DENND2C: variants seen among roughly 807,000 people sequenced by gnomAD.
The protein encoded by DENND2C is DENN domain-containing protein 2C.
Under a neutral mutation model 112.4 loss-of-function variants are expected in DENND2C, and 72 were observed. That is an observed-to-expected ratio of 0.64 (90% CI 0.53 to 0.78). DENND2C has a LOEUF of 0.78. Among genes scored for constraint, DENND2C ranks in the 30% least tolerant of loss-of-function variants. The pLI, the probability that DENND2C is intolerant of heterozygous loss-of-function variation, is 0.00. For synonymous variants in DENND2C, 329 were observed against 381.6 expected, an observed-to-expected ratio of 0.86 and a Z score of 1.61; for missense variants, 992 against 1,113.8, an observed-to-expected ratio of 0.89 and a Z score of 1.56.
chr1:114,594,864 G>C (rs1190637821), intron 17 of DENND2C, among the ~76,000 whole-genome samples: 1 of 152,114 alleles, frequency 6.6e-6, no homozygotes, highest in Non-Finnish European at 1.5e-5. Flanking sequence ...TCCACAAATA[G>C]TGTTTCAAAC....
chr1:114,599,110 T>C (rs1043175045), intron 16 of DENND2C, among the ~76,000 whole-genome samples, 164 bp downstream of exon 16: 1 of 152,188 alleles, frequency 6.6e-6, no homozygotes, highest in Non-Finnish European at 1.5e-5. Flanking sequence ...TTTCCCATCT[T>C]AATACTAGAA....
At chr1:114,648,725 C>G (rs1657067137) in intron 2 of DENND2C, among the ~76,000 whole-genome samples, 1 of 152,122 alleles carries the variant, frequency 6.6e-6, no homozygotes, top group Non-Finnish European at 1.5e-5. Flanking sequence ...GGACTGGTAT[C>G]TGACTCCCAC....
intron 18 of DENND2C, among the ~76,000 whole-genome samples, chr1:114,593,620 A>G (rs182461609): frequency 1.6e-4 from 25 of 152,218 alleles, no homozygotes; most frequent in Admixed American, 6.5e-4. Flanking sequence ...CCCTGTCTCT[A>G]CAAAAAATAA....
chr1:114,585,916 C>T (rs1450603460), intron 20 of DENND2C, among the ~76,000 whole-genome samples: 1 of 152,110 alleles, frequency 6.6e-6, no homozygotes, highest in East Asian at 1.9e-4. Context: ...CCAGAGATTT[C>T]CTGGAGCCCA....
intron 1 of DENND2C, among the ~76,000 whole-genome samples, chr1:114,656,524 G>A (rs1382665945): frequency 1.3e-5 from 2 of 151,170 alleles, no homozygotes; most frequent in African/African-American, 2.4e-5. Context: ...AGCCTCTCAA[G>A]TAGCTGGGAC....
At chr1:114,658,052 A>G (rs1441257842) in intron 1 of DENND2C, among the ~76,000 whole-genome samples, 3 of 152,218 alleles carry the variant, frequency 2.0e-5, no homozygotes, top group Non-Finnish European at 4.4e-5. Flanking sequence ...TTTAGGGGCT[A>G]TACACTGATG....
rs942817816 is a variant in DENND2C at position 114,622,153 on chromosome 1, G to A, written c.1057-88C>T. The A allele has an allele frequency of 9.5e-6, 13 of 1,362,346 alleles. 1 individual carries two copies. Among genetic ancestry groups the A allele is most frequent in the Admixed American group, 8.4e-5 (3 of 35,858 alleles). The allele number at this position is 1,362,346 out of a possible 1,614,324, so 84.4% of individuals were successfully genotyped here. A position where few individuals can be genotyped will look rare whatever the true frequency, so the allele number is the denominator to read the frequency against. On this transcript the variant is annotated intron_variant, in intron 6 of 20. Transcript: ENST00000393274. ...GTTTGAGATGGGGTCTTGCTCTGTC[G>A]CCCAGGCTGGAATGCAGTGGCACGA...
Position 114,615,481 on chromosome 1 carries a change from C to T in DENND2C, c.1324+2905G>A, listed in dbSNP as rs538360186. On this transcript the variant is annotated intron_variant, in intron 8 of 20. Coordinates refer to ENST00000393274, the MANE Select transcript of DENND2C (RefSeq NM_001256404.2). ...TTTGTTTGTAAAATTATAATAGTCC[C>T]TACCTCCTAGTGTTGTCATACGTTA... 2.0e-5 allele frequency among the ~76,000 whole-genome samples: 3 copies of T among 152,314 alleles called. No homozygotes were observed. In the South Asian group the frequency reaches 6.2e-4, roughly 32 times the overall value.
At chr1:114,590,401 T>C (rs562576516) in intron 18 of DENND2C, among the ~76,000 whole-genome samples, 4 of 151,274 alleles carry the variant, frequency 2.6e-5, no homozygotes, top group Admixed American at 2.0e-4. Context: ...AAAAAAAAAA[T>C]TCATTCTTAA....
chr1:114,657,254 CTTTTG>C (rs1657359509), intron 1 of DENND2C, among the ~76,000 whole-genome samples: 1 of 151,880 alleles, frequency 6.6e-6, no homozygotes, highest in African/African-American at 2.4e-5. Context: ...TCATTTTTTT[CTTTTG>C]TTTGTTTGTT....
chr1:114,630,321 G>T (rs1178979498), intron 3 of DENND2C, among the ~76,000 whole-genome samples: 1 of 151,436 alleles, frequency 6.6e-6, no homozygotes, highest in Non-Finnish European at 1.5e-5. Context: ...AAAAAGAAAA[G>T]AAAAGAAAAG....
chr1:114,643,581 C>T (rs970671787), intron 3 of DENND2C, among the ~76,000 whole-genome samples: 1 of 152,160 alleles, frequency 6.6e-6, no homozygotes, highest in African/African-American at 2.4e-5. Context: ...CCTTTTATCT[C>T]ACTCCTATCA....
At chr1:114,663,316 T>C (rs1657550735) in intron 1 of DENND2C, among the ~76,000 whole-genome samples, 1 of 152,210 alleles carries the variant, frequency 6.6e-6, no homozygotes, top group South Asian at 2.1e-4. Flanking sequence ...CAATGTTTTA[T>C]TGATTCAGTA....
chr1:114,614,123 T>G (rs569013827), intron 8 of DENND2C, among the ~76,000 whole-genome samples: 4 of 151,626 alleles, frequency 2.6e-5, no homozygotes, highest in Admixed American at 2.6e-4. Flanking sequence ...TCCCAGCTAC[T>G]CAGGAGGCTC....
chr1:114,612,857 C>T (rs756269620), intron 8 of DENND2C, among the ~76,000 whole-genome samples: 2 of 151,824 alleles, frequency 1.3e-5, no homozygotes, highest in Non-Finnish European at 2.9e-5. Context: ...GACGGGGTTT[C>T]GTCATGTTGC....
rs760823080 is a variant in DENND2C at position 114,600,900 on chromosome 1, G to A, written c.1876C>T (p.Arg626Ter). 1.6e-5 allele frequency: 26 copies of A among 1,613,778 alleles called. No homozygotes were observed. Among genetic ancestry groups the A allele is most frequent in the East Asian group, 2.2e-5 (1 of 44,878 alleles). Residue 626 changes from arginine (R) to a stop codon, truncating the protein, a stop_gained, in exon 14 of 21, where the codon CGA becomes TGA. Coordinates refer to ENST00000393274, the MANE Select transcript of DENND2C (RefSeq NM_001256404.2). LOFTEE classifies it high-confidence loss of function. The stretch of plus-strand genomic sequence containing the variant: ...GGGAAAGGAGCTTCCATGACACTTC[G>A]CATGAATGGGTAAACAAGGGCTGGA... ...MSPALVYPFM[R>*]SVMEAPFPAP...
At chr1:114,630,378 G>A (rs148070819) in intron 3 of DENND2C, among the ~76,000 whole-genome samples, 83 of 152,004 alleles carry the variant, frequency 5.5e-4, no homozygotes, top group African/African-American at 2.0e-3. Context: ...GGCCATGATG[G>A]AGTAGCTGAA....
intron 7 of DENND2C, among the ~76,000 whole-genome samples, chr1:114,619,428 C>T (rs1228556287): frequency 2.6e-5 from 4 of 152,162 alleles, no homozygotes; most frequent in South Asian, 2.1e-4. Context: ...CCGAGAAAAA[C>T]GCTCTTGTAT....
intron 7 of DENND2C, among the ~76,000 whole-genome samples, chr1:114,619,241 C>T (rs998673840): frequency 6.6e-5 from 10 of 152,160 alleles, no homozygotes; most frequent in Admixed American, 5.2e-4. Context: ...AGGAAAGATT[C>T]GGAGCTGATC....
Sources: gnomAD v4.1 joint callset for allele counts (sites outside exome capture counted in the v4.1 genomes callset) on GRCh38, gnomAD v4.1.1 for gene constraint, MANE v1.5 for transcripts, NCBI Gene and HGNC (gene_info 2026-07-23, HGNC 2026-07-21) for gene names.